DNAH1: variants seen among roughly 807,000 people sequenced by gnomAD.
DNAH1 encodes the protein axonemal beta dynein heavy chain 1.
Under a neutral mutation model 484.3 loss-of-function variants are expected in DNAH1, and 327 were observed. The observed-to-expected ratio is 0.68, with a 90% confidence interval of 0.62 to 0.74. The LOEUF (loss-of-function observed/expected upper bound fraction) is 0.74, where lower values mean the gene tolerates loss of function less well. DNAH1 is among the 30% of genes least tolerant of loss of function. The pLI is 0.00. For synonymous variants in DNAH1, 2,192 were observed against 2,191.9 expected, an observed-to-expected ratio of 1.00 and a Z score of 0.00; for missense variants, 5,052 against 5,546.8, an observed-to-expected ratio of 0.91 and a Z score of 2.83.
chr3:52,321,516 C>T (rs1352827964), intron 1 of DNAH1: 2 of 152,124 alleles, frequency 1.3e-5, no homozygotes, highest in African/African-American at 2.4e-5. Context: ...ATACCCTTGT[C>T]CAATTTCTTG....
chr3:52,342,342 A>G (rs1328184300), intron 8 of DNAH1, among the ~76,000 whole-genome samples: 1 of 152,234 alleles, frequency 6.6e-6, no homozygotes, highest in African/African-American at 2.4e-5. Flanking sequence ...TTACATGTTT[A>G]AAATATATTT....
At chr3:52,371,288 C>T (rs1173940431) in intron 41 of DNAH1, among the ~76,000 whole-genome samples, 1 of 152,256 alleles carries the variant, frequency 6.6e-6, no homozygotes, top group Non-Finnish European at 1.5e-5. Flanking sequence ...GACCCCAGCC[C>T]AGGAGGACAG....
upstream of DNAH1, among the ~76,000 whole-genome samples, chr3:52,315,396 G>T (rs3852064): frequency 0.31 from 47,315 of 152,174 alleles, 7,550 homozygotes; most frequent in East Asian, 0.37. Flanking sequence ...TCTGCAGCCA[G>T]TGAAGCATTG....
chr3:52,368,777 GGCCA>G lies in DNAH1; in HGVS notation c.5803_5806del (p.Ala1935SerfsTer24), dbSNP rs2153224626. Reference sequence around the variant, plus strand: ...TATTCTCCTCGTTCATCCGGGCGGGGGCCATCACCTCCGACACCAACAAGAAGTG... The same window carrying G: ...TATTCTCCTCGTTCATCCGGGCGGGGTCACCTCCGACACCAACAAGAAGTG... On this transcript the variant is annotated frameshift_variant, in exon 37 of 78. Transcript: ENST00000420323. LOFTEE classifies it high-confidence loss of function. This position sits in a 1 kb window ranked among gnomAD's most constrained non-coding sequence, Gnocchi z 4.4. 1 of 1,613,920 alleles carries G rather than the reference GGCCA, an allele frequency of 6.2e-7. No homozygotes were observed. The highest frequency in any genetic ancestry group is 1.7e-5 in the Admixed American group (1 of 60,020).
chr3:52,366,381 A>G (rs973675435), intron 34 of DNAH1, 76 bp from the exon 35 acceptor site: 6 of 1,203,848 alleles, frequency 5.0e-6, no homozygotes, highest in Non-Finnish European at 7.1e-6. Context: ...GACTCACCCA[A>G]GGTCACACAA....
chr3:52,359,431 A>C, intron 26 of DNAH1, 45 bp downstream of exon 26: 1 of 1,552,950 alleles, frequency 6.4e-7, no homozygotes, highest in Non-Finnish European at 8.7e-7. Context: ...CACCCCCTAC[A>C]TGGCACAGGA....
chr3:52,373,704 T>TGTTGC (rs1703458071), intron 44 of DNAH1: 1 of 1,361,554 alleles, frequency 7.3e-7, no homozygotes, highest in African/African-American at 1.4e-5. Context: ...GTTATGTCAG[T>TGTTGC]GTTGCGTCCT....
intron 2 of DNAH1, among the ~76,000 whole-genome samples, chr3:52,323,523 A>G (rs1165107331): frequency 4.6e-5 from 7 of 152,160 alleles, no homozygotes; most frequent in East Asian, 1.9e-4. Flanking sequence ...TACCTGCTTC[A>G]TGGCTCAGCC....
At chr3:52,384,206 A>T (rs1356870781) in intron 52 of DNAH1, among the ~76,000 whole-genome samples, 175 bp downstream of exon 52, 1 of 152,200 alleles carries the variant, frequency 6.6e-6, no homozygotes, top group Admixed American at 6.5e-5. Flanking sequence ...GCGCAGAGCC[A>T]CAGGTCATCA....
intron 3 of DNAH1, 82 bp from the exon 4 acceptor site, chr3:52,326,058 G>C: frequency 7.6e-7 from 1 of 1,322,848 alleles, no homozygotes; most frequent in Admixed American, 3.2e-5. Flanking sequence ...CTACCTGGTT[G>C]GTAATTTATT....
intron 36 of DNAH1, among the ~76,000 whole-genome samples, chr3:52,367,676 C>A (rs545658851): frequency 1.3e-5 from 2 of 151,940 alleles, no homozygotes; most frequent in Admixed American, 1.3e-4. Flanking sequence ...CTTGTTCAAG[C>A]GATTCTCCTG....
intron 7 of DNAH1, 86 bp from the exon 8 acceptor site, chr3:52,332,056 A>C: frequency 2.0e-6 from 3 of 1,481,094 alleles, no homozygotes; most frequent in Non-Finnish European, 2.7e-6. Context: ...GCCACTGGGC[A>C]TCCACGGCAC....
intron 12 of DNAH1, 150 bp from the exon 13 acceptor site, chr3:52,348,738 T>G: frequency 3.9e-6 from 3 of 771,488 alleles, no homozygotes; most frequent in Non-Finnish European, 6.2e-6. Flanking sequence ...CATCCCTCCT[T>G]TTGTATTTGG....
rs767196276 is a variant in DNAH1, at chr3:52,399,099, G to C, written c.12339G>C (p.Trp4113Cys). 1.2e-6 allele frequency: 2 copies of C among 1,614,050 alleles called. No individual in the cohort carries two copies. The highest frequency in any genetic ancestry group is 3.3e-5 in the Admixed American group (2 of 60,026). Residue 4113 changes from tryptophan (W) to cysteine (C), a missense_variant, in exon 76 of 78, where the codon TGG becomes TGC. This residue lies in a region of DNAH1 where 853 missense variants were observed against 899.0 expected (regional missense o/e 0.95). Coordinates refer to ENST00000420323, the MANE Select transcript of DNAH1 (RefSeq NM_015512.5). ...WIQDGIPAVF[W>C]ISGFFFPQAF... ...AAGATGGCATCCCAGCTGTCTTCTG[G>C]ATCAGTGGATTCTTCTTCCCCCAGG...
At position 52,346,582 on chromosome 3, in the gene DNAH1, G is replaced by T; in HGVS notation, c.1767G>T (p.Glu589Asp). ...ACAACCTCTACGAGACCAACTGGGA[G>T]GTGTACCTCATGTCCAAGCTGCGCA... Reference protein sequence around the residue: ...GWYNLYETNWEVYLMSKLRKL... With the variant: ...GWYNLYETNWDVYLMSKLRKL... The change falls in exon 11 of 78, where the codon GAG becomes GAT. Residue 589 changes from glutamate (E) to aspartate (D), a missense_variant. Physicochemically the swap from Glu to Asp is conservative, Grantham distance 45. This residue lies in a region of DNAH1 where 1,263 missense variants were observed against 1,218.8 expected (regional missense o/e 1.04). Coordinates refer to ENST00000420323, the MANE Select transcript of DNAH1 (RefSeq NM_015512.5). 8 of 1,614,050 alleles carry T rather than the reference G, an allele frequency of 5.0e-6. No individual in the cohort carries two copies. The highest frequency in any genetic ancestry group is 6.8e-6 in the Non-Finnish European group (8 of 1,179,890).
chr3:52,357,814 G>A (rs1054946484), intron 23 of DNAH1, 79 bp downstream of exon 23: 1 of 1,575,696 alleles, frequency 6.3e-7, no homozygotes, highest in African/African-American at 1.3e-5. Context: ...CTCAGGCTAG[G>A]GTGCGGGGAT....
chr3:52,393,265 C>G, intron 65 of DNAH1, 69 bp from the exon 66 acceptor site: 1 of 1,596,500 alleles, frequency 6.3e-7, no homozygotes, highest in East Asian at 2.2e-5. Context: ...ACTGGCTAGG[C>G]TGGGCTGGAC....
chr3:52,388,718 G>A (rs1272931593), intron 58 of DNAH1, 88 bp from the exon 59 acceptor site: 2 of 1,604,770 alleles, frequency 1.2e-6, no homozygotes, highest in Admixed American at 3.4e-5. Flanking sequence ...CCCCCTCCCT[G>A]GCAACCCCAG....
Position 52,388,522 on chromosome 3 carries a change from G to A in DNAH1, c.9276G>A (p.Gln3092=). The A allele has an allele frequency of 6.2e-7, 1 of 1,612,988 alleles. No homozygotes were observed. Among genetic ancestry groups the A allele is most frequent in the South Asian group, 1.1e-5 (1 of 90,878 alleles). ...TGGAGGACGGCATCGCCACAATGCA[G>A]GCTAAGTACCGGGAATGCATTACCA... The part of the protein sequence containing the change: ...REVEDGIATM[Q]AKYRECITKK... Residue 3092 remains glutamine, a synonymous_variant, in exon 58 of 78, where the codon CAG becomes CAA. Coordinates refer to ENST00000420323, the MANE Select transcript of DNAH1 (RefSeq NM_015512.5).
Sources: allele counts gnomAD v4.1 joint callset (sites outside exome capture counted in the v4.1 genomes callset), GRCh38; gene constraint gnomAD v4.1.1; regional missense constraint gnomAD v4.1.1; non-coding constraint Gnocchi (gnomAD v3.1); transcripts MANE v1.5; gene names NCBI Gene and HGNC (gene_info 2026-07-23, HGNC 2026-07-21).